Variants in CEP192 observed in about 807,000 individuals in gnomAD.
CEP192 encodes the protein centrosomal protein of 192 kDa.
CEP192 carries 151 observed loss-of-function variants against 271.8 expected under a neutral mutation model. That is an observed-to-expected ratio of 0.56 (90% confidence interval 0.49 to 0.64). CEP192 has a LOEUF of 0.64. Ranked by LOEUF, CEP192 falls within the 30% of genes least tolerant of loss-of-function variation. CEP192 has a pLI of 0.00. For synonymous variants in CEP192, 995 were observed against 1,076.5 expected, an observed-to-expected ratio of 0.92 and a Z score of 1.48; for missense variants, 2,910 against 3,020.5, an observed-to-expected ratio of 0.96 and a Z score of 0.86.
intron 8 of CEP192, 64 bp from the exon 9 acceptor site, chr18:13,019,018 A>C: frequency 7.2e-7 from 1 of 1,390,738 alleles, no homozygotes; most frequent in Middle Eastern, 1.9e-4. Flanking sequence ...GGCAAGAATC[A>C]GTTATTATGT....
At position 13,073,023 on chromosome 18, in the gene CEP192, T is replaced by A; in HGVS notation, c.5454T>A (p.Phe1818Leu). ...TTAAATTGTAGCTTCAGAACACTTT[T>A]GGTTCAGAACAGCGATTGACCAGTA... is the stretch of plus-strand genomic sequence containing the variant. Reference protein sequence around the residue: ...DQDCFQLQNTFGSEQRLTSNC... With the variant: ...DQDCFQLQNTLGSEQRLTSNC... The change falls in exon 30 of 45, where the codon TTT becomes TTA. Residue 1818 changes from phenylalanine (F) to leucine (L), a missense_variant. By Grantham distance (22) the Phe-to-Leu change is conservative. Coordinates refer to ENST00000506447, the MANE Select transcript of CEP192 (RefSeq NM_032142.4). 1 of 1,607,434 alleles carries A rather than the reference T, an allele frequency of 6.2e-7. No individual in the cohort carries two copies. The highest frequency in any genetic ancestry group is 8.5e-7 in the Non-Finnish European group (1 of 1,177,950).
At chr18:13,103,215 C>T (rs2039796130) in intron 38 of CEP192, among the ~76,000 whole-genome samples, 1 of 152,188 alleles carries the variant, frequency 6.6e-6, no homozygotes, top group Non-Finnish European at 1.5e-5. Context: ...CCTTCAATGC[C>T]TTGCAGTCTC....
At chr18:13,076,867 T>A (rs1279561643) in intron 30 of CEP192, among the ~76,000 whole-genome samples, 4 of 152,104 alleles carry the variant, frequency 2.6e-5, no homozygotes, top group African/African-American at 9.7e-5. Flanking sequence ...CACTGCAACT[T>A]CCACCTCCCA....
chr18:13,102,871 C>T (rs1464940149), intron 38 of CEP192, among the ~76,000 whole-genome samples: 1 of 152,226 alleles, frequency 6.6e-6, no homozygotes, highest in Non-Finnish European at 1.5e-5. Flanking sequence ...AGGCATCACA[C>T]CCTGGCGCCT....
At chr18:13,099,966 A>G (rs2039629536) in intron 37 of CEP192, among the ~76,000 whole-genome samples, 1 of 152,246 alleles carries the variant, frequency 6.6e-6, no homozygotes. Context: ...CCCCATGGAT[A>G]CCGAGGCATG....
intron 9 of CEP192, among the ~76,000 whole-genome samples, chr18:13,021,952 G>C (rs1269251559): frequency 6.6e-6 from 1 of 152,090 alleles, no homozygotes; most frequent in Non-Finnish European, 1.5e-5. Context: ...TGCTGATCTT[G>C]TACCTTCTAG....
chr18:13,115,927 G>A (rs1035167011), intron 42 of CEP192, among the ~76,000 whole-genome samples: 5 of 152,136 alleles, frequency 3.3e-5, no homozygotes, highest in South Asian at 2.1e-4. Context: ...GGGAGTGGCC[G>A]GAGAAAGGGG....
At chr18:13,033,244 A>T (rs1277918011) in intron 11 of CEP192, among the ~76,000 whole-genome samples, 1 of 152,262 alleles carries the variant, frequency 6.6e-6, no homozygotes, top group Non-Finnish European at 1.5e-5. Context: ...TCCAATAAAC[A>T]ATAAGAAAAA....
intron 21 of CEP192, among the ~76,000 whole-genome samples, chr18:13,066,997 G>GTGTGCC (rs1459076343): frequency 1.3e-5 from 2 of 151,510 alleles, no homozygotes; most frequent in Non-Finnish European, 2.9e-5. Context: ...GTGTGTGTGT[G>GTGTGCC]TGCCTGTATA....
chr18:13,117,675 C>G (rs761195416), intron 44 of CEP192, 32 bp downstream of exon 44: 1 of 1,552,114 alleles, frequency 6.4e-7, no homozygotes, highest in South Asian at 1.1e-5. Context: ...GTGTTCTCAT[C>G]AGCGATGCAG....
intron 38 of CEP192, among the ~76,000 whole-genome samples, chr18:13,102,633 T>C (rs1343238535): frequency 6.6e-6 from 1 of 152,186 alleles, no homozygotes; most frequent in Non-Finnish European, 1.5e-5. Context: ...CACTGTCGAC[T>C]GCTCTTCCAC....
intron 12 of CEP192, among the ~76,000 whole-genome samples, chr18:13,037,594 G>T (rs1469751899): frequency 6.6e-6 from 1 of 152,156 alleles, no homozygotes; most frequent in Non-Finnish European, 1.5e-5. Flanking sequence ...GACTTGCTGT[G>T]TCACCCAGGC....
intron 34 of CEP192, among the ~76,000 whole-genome samples, chr18:13,093,431 G>C (rs139980256): frequency 6.6e-6 from 1 of 152,288 alleles, no homozygotes; most frequent in East Asian, 1.9e-4. Context: ...TTTCAGAATA[G>C]AGTTCCTTAG....
Position 13,019,079 on chromosome 18 carries a change from C to A in CEP192, c.926-3C>A, listed in dbSNP as rs753750160. 4.6e-6 allele frequency: 7 copies of A among 1,523,788 alleles called. No homozygotes were observed. The highest frequency in any genetic ancestry group is 5.3e-6 in the Non-Finnish European group (6 of 1,137,580). The allele number at this position is 1,523,788 out of a possible 1,614,324, so 94.4% of individuals were successfully genotyped here. A position where few individuals can be genotyped will look rare whatever the true frequency, so the allele number is the denominator to read the frequency against. ...CCTTTAACATTTTTCTTTATTTTTT[C>A]AGGTAATTCTATAGGTACTGGAGAT... On this transcript the variant is annotated splice_region_variant and splice_polypyrimidine_tract_variant and intron_variant, in intron 8 of 44. Transcript: ENST00000506447.
Position 13,048,890 on chromosome 18 carries a change from G to T in CEP192, c.2099G>T (p.Arg700Ile), listed in dbSNP as rs544417355. 1 of 1,607,148 alleles carries T rather than the reference G, an allele frequency of 6.2e-7. No individual in the cohort carries two copies. The highest frequency in any genetic ancestry group is 2.2e-5 in the East Asian group (1 of 44,736). ...DTFFMSNKPQ[R>I]YKDKLPDSGD... ...TTCTTCATGAGCAACAAACCCCAAA[G>T]ATACAAAGACAAGCTACCAGATAGT... The change falls in exon 16 of 45, where the codon AGA becomes ATA. Residue 700 changes from arginine (R) to isoleucine (I), a missense_variant. Coordinates refer to ENST00000506447, the MANE Select transcript of CEP192 (RefSeq NM_032142.4).
chr18:13,031,746 C>T (rs527405170), intron 11 of CEP192, among the ~76,000 whole-genome samples: 1 of 152,248 alleles, frequency 6.6e-6, no homozygotes, highest in East Asian at 1.9e-4. Flanking sequence ...TCATGAGAAA[C>T]TCAAACCAAA....
At chr18:13,042,888 A>C (rs1009844931) in intron 15 of CEP192, among the ~76,000 whole-genome samples, 2 of 152,242 alleles carry the variant, frequency 1.3e-5, no homozygotes, top group African/African-American at 4.8e-5. Context: ...ACAATTATAA[A>C]ACAATGCTCC....
intron 27 of CEP192, among the ~76,000 whole-genome samples, chr18:13,070,165 A>C (rs2037937517): frequency 6.6e-6 from 1 of 152,158 alleles, no homozygotes; most frequent in South Asian, 2.1e-4. Flanking sequence ...TCAAAAAAAA[A>C]AAAGTTTTAA....
chr18:13,052,549 C>A (rs2036853949), intron 17 of CEP192, among the ~76,000 whole-genome samples: 1 of 152,100 alleles, frequency 6.6e-6, no homozygotes, highest in East Asian at 1.9e-4. Flanking sequence ...TGTGACTGTT[C>A]CCATTTCTTT....
Sources: gnomAD v4.1 joint callset for allele counts (sites outside exome capture counted in the v4.1 genomes callset) on GRCh38, gnomAD v4.1.1 for gene constraint, MANE v1.5 for transcripts, NCBI Gene and HGNC (gene_info 2026-07-23, HGNC 2026-07-21) for gene names.